Variants in CDH1 observed in about 807,000 individuals in gnomAD.
CDH1 encodes the protein cadherin 1.
Under a neutral mutation model 84.5 loss-of-function variants are expected in CDH1, and 35 were observed. The ratio of observed to expected loss-of-function variants is 0.41; its 90% CI spans 0.32 to 0.55. The LOEUF (loss-of-function observed/expected upper bound fraction) is 0.55, where lower values mean the gene tolerates loss of function less well. Among genes scored for constraint, CDH1 ranks in the 20% least tolerant of loss-of-function variants. CDH1 has a pLI of 0.19. For missense variants in CDH1, 994 were observed against 1,126.6 expected (o/e 0.88, Z 1.68); for synonymous variants, 417 against 439.0 (o/e 0.95, Z 0.63).
Position 68,749,506 on chromosome 16 carries a change from GT to G in CDH1, c.163+11098del, listed in dbSNP as rs1202852077. 2.6e-5 allele frequency among the ~76,000 whole-genome samples: 4 copies of G among 152,220 alleles called. No individual in the cohort carries two copies. The East Asian group carries it at 7.7e-4, about 29-fold the overall frequency. On this transcript the variant is annotated intron_variant, in intron 2 of 15. Transcript: ENST00000261769. ...GAGGATTAAATCATAGAAGGTGTTT[GT>G]TTGGAGAGTGTTTACTTGAAGGTGG...
chr16:68,758,203 A>AT (rs1963068888), intron 2 of CDH1, among the ~76,000 whole-genome samples: 1 of 26,244 alleles, frequency 3.8e-5, no homozygotes, highest in Non-Finnish European at 7.3e-5. Context: ...GCTTCTTTTT[A>AT]TTTCTTTTTT....
At chr16:68,763,050 T>C (rs1959272754) in intron 2 of CDH1, among the ~76,000 whole-genome samples, 1 of 152,062 alleles carries the variant, frequency 6.6e-6, no homozygotes, top group Non-Finnish European at 1.5e-5. Flanking sequence ...GGCTATTTGC[T>C]TCCTGAAGAT....
At chr16:68,813,225 A>G in intron 8 of CDH1, 88 bp from the exon 9 acceptor site, 1 of 1,356,864 alleles carries the variant, frequency 7.4e-7, no homozygotes, top group Non-Finnish European at 1.1e-6. Flanking sequence ...AAAGAACAAC[A>G]AAAAAAGAGG....
At chr16:68,824,570 A>C (rs910635007) in intron 13 of CDH1, among the ~76,000 whole-genome samples, 3 of 152,202 alleles carry the variant, frequency 2.0e-5, no homozygotes, top group Non-Finnish European at 4.4e-5. Context: ...GGAAGCTTCT[A>C]CTTACAATTG....
chr16:68,824,657 G>T (rs766163788), intron 13 of CDH1, among the ~76,000 whole-genome samples: 1 of 152,198 alleles, frequency 6.6e-6, no homozygotes, highest in Non-Finnish European at 1.5e-5. Flanking sequence ...GGAGAAAAAG[G>T]ATGCTGAGGA....
Position 68,822,005 on chromosome 16 carries a change from T to C in CDH1, c.1716T>C (p.Ser572=), listed in dbSNP as rs876660176. The part of the protein sequence containing the change: ...TALIIATDNG[S]PVATGTGTLL... Reference sequence around the variant, plus strand: ...TTTCTGTGTATTTTCTCTTAGGTTCTCCAGTTGCTACTGGAACAGGGACAC... The same window carrying C: ...TTTCTGTGTATTTTCTCTTAGGTTCCCCAGTTGCTACTGGAACAGGGACAC... The change falls in exon 12 of 16, where the codon TCT becomes TCC. Residue 572 remains serine, a synonymous_variant. Transcript: ENST00000261769. 6.2e-7 allele frequency: 1 copy of C among 1,613,596 alleles called. No individual in the cohort carries two copies. Among genetic ancestry groups the C allele is most frequent in the Non-Finnish European group, 8.5e-7 (1 of 1,179,516 alleles).
chr16:68,822,895 GA>G (rs960280518), intron 12 of CDH1: 70 of 220,400 alleles, frequency 3.2e-4, no homozygotes, highest in African/African-American at 1.4e-3. Flanking sequence ...TGGCCCTGGA[GA>G]AGAACCTGAA....
intron 2 of CDH1, among the ~76,000 whole-genome samples, chr16:68,779,410 T>C (rs1483424388): frequency 6.6e-6 from 1 of 152,236 alleles, no homozygotes; most frequent in Non-Finnish European, 1.5e-5. Context: ...AGCTCTGCTG[T>C]GTGCTGTTAT....
chr16:68,739,684 G>T (rs1013215876), intron 2 of CDH1, among the ~76,000 whole-genome samples: 5 of 146,456 alleles, frequency 3.4e-5, no homozygotes, highest in Non-Finnish European at 7.4e-5. Context: ...GCGTGATCTC[G>T]GCTCACTGCC....
intron 2 of CDH1, among the ~76,000 whole-genome samples, chr16:68,746,365 C>T (rs1075384): frequency 8.5e-5 from 13 of 152,058 alleles, no homozygotes; most frequent in African/African-American, 3.1e-4. Context: ...GTGGAGGATG[C>T]AGTGAGCCGA....
intron 2 of CDH1, among the ~76,000 whole-genome samples, chr16:68,751,493 C>CTTATTTATTTATTTAT (rs55979620): frequency 4.8e-4 from 71 of 149,238 alleles, no homozygotes; most frequent in Admixed American, 1.9e-3. Flanking sequence ...TCTTGAACCC[C>CTTATTTATTTATTTAT]TTATTTATTT....
intron 2 of CDH1, among the ~76,000 whole-genome samples, chr16:68,768,431 G>C (rs192037790): frequency 1.3e-5 from 2 of 152,320 alleles, no homozygotes; most frequent in Non-Finnish European, 2.9e-5. Context: ...AGAGGATCCA[G>C]TTTCTCCACA....
At chr16:68,751,530 T>A (rs1962882940) in intron 2 of CDH1, among the ~76,000 whole-genome samples, 1 of 148,726 alleles carries the variant, frequency 6.7e-6, no homozygotes, top group African/African-American at 2.5e-5. Context: ...AGAGACGGAG[T>A]CTCACTCTGT....
chr16:68,745,617 A>ATATGTGTG (rs1962717811), intron 2 of CDH1, among the ~76,000 whole-genome samples: 2 of 143,422 alleles, frequency 1.4e-5, no homozygotes, highest in Admixed American at 7.1e-5. Context: ...GTGTATATAT[A>ATATGTGTG]TATATATATG....
Position 68,745,549 on chromosome 16 carries a change from A to AAAAATATATATATATATGT in CDH1, c.163+7139_163+7140insAAATATATATATATATGTA, listed in dbSNP as rs1555510453. Among the ~76,000 whole-genome samples the AAAAATATATATATATATGT allele has an allele frequency of 1.6e-3, 121 of 75,176 alleles. 1 individual carries two copies. The highest frequency in any genetic ancestry group is 3.1e-3 in the Admixed American group (17 of 5,422). 49.3% of individuals were successfully genotyped at this position (75,176 alleles called of 152,430 possible). A position where few individuals can be genotyped will look rare whatever the true frequency, so the allele number is the denominator to read the frequency against. ...ATCCTGTCTCAAAAAAAAAAAAAAA[A>AAAAATATATATATATATGT]ATATATATATATATGTATATATATA... On this transcript the variant is annotated intron_variant, in intron 2 of 15. Coordinates refer to ENST00000261769, the MANE Select transcript of CDH1 (RefSeq NM_004360.5).
rs1469038091 is a variant in CDH1, at chr16:68,832,694, C to T, written c.2440-596C>T. Among the ~76,000 whole-genome samples, 4 of 152,040 alleles carry T rather than the reference C, an allele frequency of 2.6e-5. No individual in the cohort carries two copies. In the East Asian group the frequency reaches 7.7e-4, roughly 29 times the overall value. On this transcript the variant is annotated intron_variant, in intron 15 of 15. Transcript: ENST00000261769. ...AATTAGCCGGGCATGGTGGCGCATGCCTGTAGACCCAGCTACTTGGGAGGC... is the reference window on the plus strand; with the variant it reads ...AATTAGCCGGGCATGGTGGCGCATGTCTGTAGACCCAGCTACTTGGGAGGC...
At chr16:68,824,383 G>A (rs1273060147) in intron 13 of CDH1, among the ~76,000 whole-genome samples, 2 of 152,096 alleles carry the variant, frequency 1.3e-5, no homozygotes, top group South Asian at 4.1e-4. Context: ...CTTGGGGGCT[G>A]CCCTCATCAG....
chr16:68,751,128 G>A (rs1193323498), intron 2 of CDH1, among the ~76,000 whole-genome samples: 2 of 152,162 alleles, frequency 1.3e-5, no homozygotes, highest in Admixed American at 6.5e-5. Context: ...ATCAGTCAGA[G>A]TTGATGGTTT....
intron 2 of CDH1, among the ~76,000 whole-genome samples, chr16:68,798,739 C>A (rs1427118920): frequency 2.0e-5 from 3 of 152,148 alleles, no homozygotes. Flanking sequence ...ACATGACAAG[C>A]CCCTAAAGAT....
Sources: gnomAD v4.1 joint callset for allele counts (sites outside exome capture counted in the v4.1 genomes callset) on GRCh38, gnomAD v4.1.1 for gene constraint, MANE v1.5 for transcripts, NCBI Gene and HGNC (gene_info 2026-07-23, HGNC 2026-07-21) for gene names.